Variants in ALG5 observed in about 807,000 individuals in gnomAD.
ALG5 encodes dolichyl-phosphate beta-glucosyltransferase.
A neutral mutation model predicts 51.8 loss-of-function variants in ALG5; 26 were observed. The observed-to-expected ratio is 0.50, with a 90% CI of 0.37 to 0.70. ALG5 has a LOEUF of 0.70. ALG5 is among the 30% of genes least tolerant of loss of function. The pLI is 0.00. For synonymous variants in ALG5, 141 were observed against 136.1 expected (o/e 1.04, Z -0.25); for missense variants, 311 against 399.3 (o/e 0.78, Z 1.88).
intron 5 of ALG5, among the ~76,000 whole-genome samples, chr13:36,985,949 T>C (rs1170601507): frequency 2.0e-5 from 3 of 152,188 alleles, no homozygotes; most frequent in Admixed American, 6.5e-5. Context: ...TTTAAAAACT[T>C]TGTGAAGTCA....
intron 8 of ALG5, among the ~76,000 whole-genome samples, chr13:36,959,596 GA>G (rs1397965926): frequency 2.0e-5 from 3 of 152,052 alleles, no homozygotes; most frequent in Non-Finnish European, 1.5e-5. Context: ...AAAGGGGGTG[GA>G]AACAACATGC....
intron 8 of ALG5, among the ~76,000 whole-genome samples, chr13:36,964,847 C>G (rs936443050): frequency 6.6e-6 from 1 of 150,872 alleles, no homozygotes; most frequent in Non-Finnish European, 1.5e-5. Flanking sequence ...ATCACTTGAA[C>G]GCGGGAGGCG....
chr13:36,950,101 T>C (rs751135072), intron 9 of ALG5, 44 bp from the exon 10 acceptor site: 1 of 1,273,096 alleles, frequency 7.9e-7, no homozygotes, highest in Non-Finnish European at 1.1e-6. Flanking sequence ...TTAAATAAAC[T>C]CAGCAGAAAA....
chr13:36,996,517 A>T (rs2059051235), intron 1 of ALG5, among the ~76,000 whole-genome samples: 1 of 152,148 alleles, frequency 6.6e-6, no homozygotes, highest in African/African-American at 2.4e-5. Context: ...AGTCAACCTG[A>T]ATGGGCTCTC....
chr13:36,969,678 G>T (rs369028222), intron 7 of ALG5, among the ~76,000 whole-genome samples: 3 of 151,958 alleles, frequency 2.0e-5, no homozygotes, highest in African/African-American at 7.3e-5. Flanking sequence ...GGGATTACAG[G>T]TGGGCGCCAC....
chr13:36,976,466 A>G (rs1471200189), intron 6 of ALG5, among the ~76,000 whole-genome samples: 2 of 142,170 alleles, frequency 1.4e-5, no homozygotes, highest in Non-Finnish European at 3.1e-5. Flanking sequence ...GAATTTTCTT[A>G]GCTGGGCACG....
At chr13:36,980,334 T>TA (rs1345364580) in intron 6 of ALG5, among the ~76,000 whole-genome samples, 1 of 152,104 alleles carries the variant, frequency 6.6e-6, no homozygotes, top group Non-Finnish European at 1.5e-5. Flanking sequence ...TCCCAGGTTC[T>TA]AGTGATTCTC....
At chr13:36,984,983 A>G (rs908150032) in intron 6 of ALG5, among the ~76,000 whole-genome samples, 7 of 151,904 alleles carry the variant, frequency 4.6e-5, no homozygotes, top group Non-Finnish European at 8.8e-5. Context: ...TGGTAGGTAT[A>G]TTGTTTGACA....
intron 8 of ALG5, 24 bp from the exon 9 acceptor site, chr13:36,952,623 T>A: frequency 7.1e-7 from 1 of 1,418,326 alleles, no homozygotes. Context: ...TATATTGATA[T>A]TTATTTTTAA....
intron 5 of ALG5, among the ~76,000 whole-genome samples, chr13:36,988,513 G>A (rs905953694): frequency 6.6e-6 from 1 of 152,206 alleles, no homozygotes; most frequent in African/African-American, 2.4e-5. Flanking sequence ...AGTTATCAGA[G>A]AGGTTAAAAG....
At chr13:36,958,156 T>A (rs773936106) in intron 8 of ALG5, among the ~76,000 whole-genome samples, 2 of 152,032 alleles carry the variant, frequency 1.3e-5, no homozygotes, top group Non-Finnish European at 2.9e-5. Context: ...CTTGTCATAT[T>A]TTCCTCCTTA....
chr13:36,983,256 G>A (rs2058987547), intron 6 of ALG5, among the ~76,000 whole-genome samples: 1 of 152,158 alleles, frequency 6.6e-6, no homozygotes, highest in Admixed American at 6.5e-5. Context: ...TATTTATCAA[G>A]TTTCTCTTGG....
At chr13:36,952,215 C>A (rs1193986038) in intron 9 of ALG5, among the ~76,000 whole-genome samples, 2 of 152,170 alleles carry the variant, frequency 1.3e-5, no homozygotes, top group African/African-American at 4.8e-5. Context: ...TCTCAAAAGA[C>A]TATCAACCTT....
chr13:36,978,808 T>C (rs1333605467), intron 6 of ALG5, among the ~76,000 whole-genome samples: 1 of 150,662 alleles, frequency 6.6e-6, no homozygotes, highest in African/African-American at 2.4e-5. Context: ...CCCAGCTGTT[T>C]GGGAGGCTGA....
In ALG5 at chr13:36,949,806, G is replaced by T; in HGVS notation, c.*136C>A. The T allele has an allele frequency of 4.2e-6, 2 of 472,020 alleles. No individual in the cohort carries two copies. Among genetic ancestry groups the T allele is most frequent in the South Asian group, 5.7e-5 (1 of 17,530 alleles). 29.2% of individuals were successfully genotyped at this position (472,020 alleles called of 1,614,324 possible). A position where few individuals can be genotyped will look rare whatever the true frequency, so the allele number is the denominator to read the frequency against. ...AGAGATATATAATTTTTTACTTATG[G>T]AAAGTTATTTCTTTAAAATTATCAA... On this transcript the variant is annotated 3_prime_UTR_variant, in exon 10 of 10. Coordinates refer to ENST00000239891, the MANE Select transcript of ALG5 (RefSeq NM_013338.5).
chr13:36,963,472 C>A (rs369678439), intron 8 of ALG5, among the ~76,000 whole-genome samples: 3 of 120,666 alleles, frequency 2.5e-5, no homozygotes, highest in African/African-American at 6.7e-5. Flanking sequence ...CCACAAAGAA[C>A]CTGCATCTCT....
Position 36,965,686 on chromosome 13 carries a change from A to G in ALG5, c.662T>C (p.Phe221Ser). Residue 221 changes from phenylalanine (F) to serine (S), a missense_variant, in exon 8 of 10, where the codon TTT (phenylalanine) becomes TCT (serine). Physicochemically the swap from Phe to Ser is radical, Grantham distance 155. Coordinates refer to ENST00000239891, the MANE Select transcript of ALG5 (RefSeq NM_013338.5). ...TTTGACACAAAGGAACCACACCAGA[A>G]AGTGGAACCCATACATGAGAAGAGT... is the stretch of plus-strand genomic sequence containing the variant. ...FRTLLMYGFH[F>S]LVWFLCVKGI... 1 of 1,614,116 alleles carries G rather than the reference A, an allele frequency of 6.2e-7. No homozygotes were observed. The highest frequency in any genetic ancestry group is 8.5e-7 in the Non-Finnish European group (1 of 1,179,964).
intron 8 of ALG5, chr13:36,952,811 T>C (rs537540080): frequency 2.8e-6 from 1 of 360,456 alleles, no homozygotes; most frequent in Admixed American, 5.0e-5. Context: ...TGCATAATAT[T>C]GTATCTCTAT....
intron 1 of ALG5, chr13:36,998,917 AGAG>A (rs781503969): frequency 1.0e-4 from 28 of 275,892 alleles, no homozygotes; most frequent in South Asian, 3.2e-4. Flanking sequence ...CGAGGTTGAC[AGAG>A]GAGGTGGGTA....
Sources: allele counts gnomAD v4.1 joint callset (sites outside exome capture counted in the v4.1 genomes callset), GRCh38; gene constraint gnomAD v4.1.1; transcripts MANE v1.5; gene names NCBI Gene and HGNC (gene_info 2026-07-23, HGNC 2026-07-21).